Variants in SNAP91 observed in about 807,000 individuals in gnomAD.
SNAP91 encodes the protein synaptosome associated protein 91, also known as clathrin coat assembly protein AP180.
SNAP91 carries 27 observed loss-of-function variants against 100.3 expected under a neutral mutation model. That is an observed-to-expected ratio of 0.27 (90% CI 0.20 to 0.37). The LOEUF (loss-of-function observed/expected upper bound fraction) is 0.37, where lower values mean the gene tolerates loss of function less well. Ranked by LOEUF, SNAP91 falls within the 10% of genes least tolerant of loss-of-function variation. The pLI is 1.00. For missense variants in SNAP91, 986 were observed against 1,123.7 expected, an observed-to-expected ratio of 0.88 and a Z score of 1.75; for synonymous variants, 404 against 398.6, an observed-to-expected ratio of 1.01 and a Z score of -0.16.
At chr6:83,568,959 C>T (rs1444917858) in intron 26 of SNAP91, among the ~76,000 whole-genome samples, 1 of 152,124 alleles carries the variant, frequency 6.6e-6, no homozygotes, top group African/African-American at 2.4e-5. Context: ...TGGAAGAGAT[C>T]AACTGGGGAG....
chr6:83,677,438 G>T (rs2098925998), intron 2 of SNAP91, among the ~76,000 whole-genome samples: 1 of 152,162 alleles, frequency 6.6e-6, no homozygotes, highest in Non-Finnish European at 1.5e-5. Context: ...GAGCTCCAAA[G>T]AGCCAGCAAA....
intron 7 of SNAP91, among the ~76,000 whole-genome samples, chr6:83,651,784 A>G (rs901176765): frequency 6.6e-6 from 1 of 152,074 alleles, no homozygotes; most frequent in Admixed American, 6.6e-5. Context: ...GTTGAGTTCA[A>G]CTTCATCTGT....
intron 2 of SNAP91, among the ~76,000 whole-genome samples, chr6:83,707,060 G>A (rs774889906): frequency 1.8e-4 from 28 of 152,110 alleles, no homozygotes; most frequent in Non-Finnish European, 3.5e-4. Flanking sequence ...AGAATTAAAC[G>A]GTTTCATCTA....
intron 11 of SNAP91, among the ~76,000 whole-genome samples, chr6:83,612,448 A>G (rs1434255639): frequency 5.3e-5 from 8 of 152,230 alleles, no homozygotes; most frequent in Non-Finnish European, 1.2e-4. Flanking sequence ...CATGAATTCT[A>G]CAAAGAAAAC....
chr6:83,641,486 T>C (rs890118352), intron 7 of SNAP91, among the ~76,000 whole-genome samples: 2 of 152,228 alleles, frequency 1.3e-5, no homozygotes, highest in Admixed American at 6.5e-5. Flanking sequence ...GCTAAATTCA[T>C]GTTCCATATC....
At chr6:83,670,346 C>T (rs1417839693) in intron 2 of SNAP91, among the ~76,000 whole-genome samples, 1 of 150,330 alleles carries the variant, frequency 6.7e-6, no homozygotes, top group Non-Finnish European at 1.5e-5. Flanking sequence ...ATTTATGTCA[C>T]GAGCTTTTCA....
intron 10 of SNAP91, among the ~76,000 whole-genome samples, chr6:83,616,121 G>A (rs2096472289): frequency 6.6e-6 from 1 of 152,110 alleles, no homozygotes; most frequent in Non-Finnish European, 1.5e-5. Flanking sequence ...TGTAAAAAAA[G>A]AAATAGCCAC....
chr6:83,705,722 A>G (rs1351055710), intron 2 of SNAP91, among the ~76,000 whole-genome samples: 1 of 152,032 alleles, frequency 6.6e-6, no homozygotes, highest in South Asian at 2.1e-4. Context: ...GAGGCAGGAG[A>G]ATCACTCGAA....
chr6:83,654,079 T>A (rs567846771), intron 7 of SNAP91, among the ~76,000 whole-genome samples: 2 of 152,290 alleles, frequency 1.3e-5, no homozygotes, highest in South Asian at 4.1e-4. Flanking sequence ...CTAGTTGAGC[T>A]CCTGGAGGTA....
At chr6:83,706,477 C>T (rs1488406303) in intron 2 of SNAP91, among the ~76,000 whole-genome samples, 2 of 152,156 alleles carry the variant, frequency 1.3e-5, no homozygotes, top group Non-Finnish European at 2.9e-5. Flanking sequence ...TTAAACATTC[C>T]CTTGGGAAAG....
intron 27 of SNAP91, 62 bp from the exon 28 acceptor site, chr6:83,560,270 G>A: frequency 8.9e-7 from 1 of 1,124,550 alleles, no homozygotes; most frequent in Non-Finnish European, 1.3e-6. Context: ...GCACTATCCT[G>A]ACATTTATTG....
chr6:83,607,108 G>A (rs549813703), intron 13 of SNAP91, among the ~76,000 whole-genome samples: 1 of 152,150 alleles, frequency 6.6e-6, no homozygotes, highest in Admixed American at 6.6e-5. Context: ...CTAAGGAATT[G>A]ACCTAAATTT....
At chr6:83,664,807 T>C (rs557701196) in intron 3 of SNAP91, among the ~76,000 whole-genome samples, 15 of 152,252 alleles carry the variant, frequency 9.9e-5, no homozygotes, top group Admixed American at 2.6e-4. Context: ...TCAAAGAGCA[T>C]TGAATGCTAC....
chr6:83,600,564 C>T (rs76381526), intron 16 of SNAP91, among the ~76,000 whole-genome samples: 1 of 152,204 alleles, frequency 6.6e-6, no homozygotes, highest in Non-Finnish European at 1.5e-5. Context: ...ACTGGCTTCA[C>T]ATGGCTCATC....
chr6:83,637,904 C>G (rs573782142), intron 8 of SNAP91, among the ~76,000 whole-genome samples: 2 of 152,198 alleles, frequency 1.3e-5, no homozygotes, highest in Non-Finnish European at 2.9e-5. Flanking sequence ...CTTCTGGCCC[C>G]TCGGGGTTAA....
intron 5 of SNAP91, among the ~76,000 whole-genome samples, chr6:83,660,058 C>A (rs2098509097): frequency 6.6e-6 from 1 of 152,136 alleles, no homozygotes; most frequent in Non-Finnish European, 1.5e-5. Context: ...AGAAAATACC[C>A]AGATGATGTG....
chr6:83,679,726 A>G (rs2098961267), intron 2 of SNAP91, among the ~76,000 whole-genome samples: 1 of 152,148 alleles, frequency 6.6e-6, no homozygotes, highest in South Asian at 2.1e-4. Context: ...TTAATCCTTA[A>G]AACACTGTAA....
intron 16 of SNAP91, 166 bp from the exon 17 acceptor site, chr6:83,594,647 C>T (rs2094248758): frequency 3.8e-6 from 2 of 530,076 alleles, no homozygotes; most frequent in Non-Finnish European, 6.6e-6. Context: ...AACAATTATT[C>T]TTTGCACACC....
intron 7 of SNAP91, among the ~76,000 whole-genome samples, chr6:83,642,620 T>C (rs1312508084): frequency 2.0e-5 from 3 of 152,252 alleles, no homozygotes; most frequent in African/African-American, 7.2e-5. Context: ...TCCAAGTCTT[T>C]GCTACTGTGA....
Sources: allele counts gnomAD v4.1 joint callset (sites outside exome capture counted in the v4.1 genomes callset), GRCh38; gene constraint gnomAD v4.1.1; transcripts MANE v1.5; gene names NCBI Gene and HGNC (gene_info 2026-07-23, HGNC 2026-07-21).